Variants in KCNIP4 observed in about 807,000 individuals in gnomAD.
The protein encoded by KCNIP4 is Kv channel-interacting protein 4.
A neutral mutation model predicts 34.0 loss-of-function variants in KCNIP4; 12 were observed. The observed-to-expected ratio is 0.35, with a 90% CI of 0.23 to 0.57. The LOEUF is 0.57. Among genes scored for constraint, KCNIP4 ranks in the 20% least tolerant of loss-of-function variants. KCNIP4 has a pLI of 0.83. For synonymous variants in KCNIP4, 124 were observed against 102.2 expected (o/e 1.21, Z -1.29); for missense variants, 238 against 311.7 (o/e 0.76, Z 1.78).
chr4:20,732,230 A>AATG (rs1748469245), intron 7 of KCNIP4, among the ~76,000 whole-genome samples, 162 bp from the exon 8 acceptor site: 2 of 152,170 alleles, frequency 1.3e-5, no homozygotes, highest in South Asian at 4.1e-4. Context: ...TAGAGATAAA[A>AATG]ATGATAGGGC....
chr4:21,796,848 T>C (rs955938033), intron 1 of KCNIP4, among the ~76,000 whole-genome samples: 8 of 152,202 alleles, frequency 5.3e-5, no homozygotes, highest in East Asian at 1.9e-4. Flanking sequence ...AGCCCAAAGT[T>C]TGTGGATATC....
intron 1 of KCNIP4, among the ~76,000 whole-genome samples, chr4:21,834,683 G>C (rs1294895567): frequency 1.3e-5 from 2 of 151,908 alleles, no homozygotes; most frequent in Non-Finnish European, 2.9e-5. Context: ...TTTTCAAAGG[G>C]AATGCTTCCA....
intron 1 of KCNIP4, among the ~76,000 whole-genome samples, chr4:21,321,748 A>G (rs2109302391): frequency 7.0e-6 from 1 of 142,204 alleles, no homozygotes; most frequent in East Asian, 2.5e-4. Flanking sequence ...GAAGTGGGGA[A>G]GGAGGGAAGG....
At position 20,837,089 on chromosome 4, in the gene KCNIP4, TAAC is replaced by T. The variant is rs367734018; in HGVS notation, c.288+13451_288+13453del. ...CTTAATATGTGTTTGTGAAAACAAT[TAAC>T]AACCACAGGGAACTTGAGATGAAAA... On this transcript the variant is annotated intron_variant, in intron 3 of 8. Transcript: ENST00000382152. Among the ~76,000 whole-genome samples the T allele has an allele frequency of 5.5e-4, 84 of 152,302 alleles. 1 individual carries two copies. Among genetic ancestry groups the T allele is most frequent in the South Asian group, 3.5e-3 (17 of 4,822 alleles).
At chr4:20,879,079 G>A (rs1724390082) in intron 2 of KCNIP4, among the ~76,000 whole-genome samples, 2 of 152,246 alleles carry the variant, frequency 1.3e-5, no homozygotes, top group African/African-American at 4.8e-5. Context: ...ACATCTGGCT[G>A]TGCATTCATC....
chr4:21,219,319 T>G (rs2108995671), intron 1 of KCNIP4, among the ~76,000 whole-genome samples: 1 of 152,304 alleles, frequency 6.6e-6, no homozygotes, highest in Admixed American at 6.5e-5. Context: ...TGACAGAGAT[T>G]GGAGACCCCA....
chr4:21,476,396 T>C (rs1730978630), intron 1 of KCNIP4, among the ~76,000 whole-genome samples: 1 of 152,148 alleles, frequency 6.6e-6, no homozygotes, highest in Non-Finnish European at 1.5e-5. Context: ...CAAGTAAGTT[T>C]AAATTAGGTT....
chr4:21,166,800 G>A (rs554281905), intron 1 of KCNIP4, among the ~76,000 whole-genome samples: 3 of 152,096 alleles, frequency 2.0e-5, no homozygotes, highest in African/African-American at 7.2e-5. Context: ...TTAGCCGGGT[G>A]TAGTGGCAGG....
At chr4:21,647,648 G>C (rs1451162779) in intron 1 of KCNIP4, among the ~76,000 whole-genome samples, 3 of 151,952 alleles carry the variant, frequency 2.0e-5, no homozygotes, top group African/African-American at 7.3e-5. Context: ...TGAGATCTGG[G>C]TTCTTGTCTG....
At chr4:21,080,954 A>G (rs991438380) in intron 1 of KCNIP4, among the ~76,000 whole-genome samples, 2 of 151,894 alleles carry the variant, frequency 1.3e-5, no homozygotes, top group African/African-American at 4.8e-5. Flanking sequence ...AATATCCTCC[A>G]CAAGTATGTA....
intron 3 of KCNIP4, among the ~76,000 whole-genome samples, chr4:20,759,906 G>A (rs2149360202): frequency 1.3e-5 from 2 of 152,178 alleles, no homozygotes; most frequent in Non-Finnish European, 2.9e-5. Flanking sequence ...TTGCTTCCAG[G>A]ACCACCGCGG....
intron 1 of KCNIP4, among the ~76,000 whole-genome samples, chr4:21,879,459 G>A (rs1392221658): frequency 6.6e-6 from 1 of 152,210 alleles, no homozygotes; most frequent in Non-Finnish European, 1.5e-5. Context: ...CTTCAGGCAA[G>A]CCTGACTGTT....
chr4:21,220,953 A>G (rs1283508189), intron 1 of KCNIP4, among the ~76,000 whole-genome samples: 4 of 152,192 alleles, frequency 2.6e-5, no homozygotes, highest in Non-Finnish European at 5.9e-5. Flanking sequence ...AAAGTTTATG[A>G]AGGCAAACAA....
At chr4:21,116,284 A>T (rs920004631) in intron 1 of KCNIP4, among the ~76,000 whole-genome samples, 2 of 152,190 alleles carry the variant, frequency 1.3e-5, no homozygotes, top group African/African-American at 2.4e-5. Context: ...GAATCCAAGA[A>T]ACTTAAAATT....
intron 1 of KCNIP4, among the ~76,000 whole-genome samples, chr4:20,889,801 C>T (rs1401792455): frequency 6.6e-6 from 1 of 150,646 alleles, no homozygotes; most frequent in Non-Finnish European, 1.5e-5. Context: ...AGTCAACTCC[C>T]ATACCTCTGC....
intron 1 of KCNIP4, among the ~76,000 whole-genome samples, chr4:21,547,682 G>A (rs1196043677): frequency 2.0e-5 from 3 of 151,994 alleles, no homozygotes; most frequent in African/African-American, 7.2e-5. Flanking sequence ...GATACATAAG[G>A]CCGAATGTCT....
chr4:21,829,045 A>G (rs1722829781), intron 1 of KCNIP4, among the ~76,000 whole-genome samples: 1 of 152,002 alleles, frequency 6.6e-6, no homozygotes, highest in South Asian at 2.1e-4. Flanking sequence ...AATTAAAAAT[A>G]TTCTAAGTAA....
chr4:21,249,448 T>A (rs1000035466), intron 1 of KCNIP4, among the ~76,000 whole-genome samples: 1 of 152,074 alleles, frequency 6.6e-6, no homozygotes, highest in Non-Finnish European at 1.5e-5. Flanking sequence ...TGGAATCACA[T>A]TAAGTTTCAA....
chr4:21,681,447 GAAC>G, intron 1 of KCNIP4, among the ~76,000 whole-genome samples: 1 of 152,220 alleles, frequency 6.6e-6, no homozygotes, highest in Non-Finnish European at 1.5e-5. Context: ...GTTTTCAGAG[GAAC>G]AACATTTATC....
Sources: allele counts gnomAD v4.1 joint callset (sites outside exome capture counted in the v4.1 genomes callset), GRCh38; gene constraint gnomAD v4.1.1; transcripts MANE v1.5; gene names NCBI Gene and HGNC (gene_info 2026-07-23, HGNC 2026-07-21).